The following ZNF668 variants were observed in gnomAD, a reference collection of about 807,000 sequenced individuals.
The protein encoded by ZNF668 is zinc finger protein 668.
Under a neutral mutation model 40.3 loss-of-function variants are expected in ZNF668, and 10 were observed. The ratio of observed to expected loss-of-function variants is 0.25; its 90% CI spans 0.15 to 0.42. The LOEUF is 0.42. Among genes scored for constraint, ZNF668 ranks in the 10% least tolerant of loss-of-function variants. The pLI is 1.00. For synonymous variants in ZNF668, 428 were observed against 384.6 expected (o/e 1.11, Z -1.32); for missense variants, 749 against 904.6 (o/e 0.83, Z 2.21).
At chr16:31,069,471 C>CT (rs560725052) in intron 1 of ZNF668, among the ~76,000 whole-genome samples, 1 of 152,228 alleles carries the variant, frequency 6.6e-6, no homozygotes, top group South Asian at 2.1e-4. Context: ...GTGTAGCTGT[C>CT]TTTTTTGGTG....
Position 31,064,258 on chromosome 16 carries a change from C to T in ZNF668, c.202G>A (p.Glu68Lys), listed in dbSNP as rs760093863. Residue 68 changes from glutamate to lysine, a missense_variant, in exon 2 of 3, where the codon GAA becomes AAA. Physicochemically the swap from Glu to Lys is moderately conservative, Grantham distance 56. This residue lies in a region of ZNF668 where 159 missense variants were observed against 139.8 expected (regional missense o/e 1.14). Coordinates refer to ENST00000300849, the MANE Select transcript of ZNF668 (RefSeq NM_024706.5). ...CCTGACACCTTCTCCCCACTGGCTT[C>T]CTCTGCCTTAGCTTCTGTCTCTGGC... The part of the protein sequence containing the change: ...PKPETEAKAE[E>K]ASGEKVSGSA... 8 of 1,613,618 alleles carry T rather than the reference C, an allele frequency of 5.0e-6. No homozygotes were observed. In the Admixed American group the frequency reaches 6.7e-5, roughly 13 times the overall value.
rs894416943 is a variant in ZNF668 at position 31,061,594 on chromosome 16, G to A, written c.1334C>T (p.Ala445Val). The A allele has an allele frequency of 6.2e-7, 1 of 1,609,104 alleles. No homozygotes were observed. Among genetic ancestry groups the A allele is most frequent in the African/African-American group, 1.3e-5 (1 of 74,926 alleles). The change falls in exon 3 of 3, where the codon GCC becomes GTC. Residue 445 changes from alanine (A) to valine (V), a missense_variant. Ala to Val is a moderately conservative substitution (Grantham distance 64). Coordinates refer to ENST00000300849, the MANE Select transcript of ZNF668 (RefSeq NM_024706.5). This position sits in a 1 kb window ranked among gnomAD's most constrained non-coding sequence, Gnocchi z 7.7. ...PVGVAGESSAAPAAGAGLGDP... is the reference protein window; with the variant it reads ...PVGVAGESSAVPAAGAGLGDP... ...CCCCAGCCCCGCCCCTGCTGCCGGG[G>A]CGGCTGAACTCTCACCTGCCACGCC...
In ZNF668 at chr16:31,060,894, G is replaced by A. The variant is rs373184185; in HGVS notation, c.*174C>T. 2.5e-5 allele frequency: 18 copies of A among 706,764 alleles called. No homozygotes were observed. The highest frequency in any genetic ancestry group is 2.0e-4 in the African/African-American group (11 of 54,916). The allele number at this position is 706,764 out of a possible 1,614,324, so 43.8% of individuals were successfully genotyped here. A position where few individuals can be genotyped will look rare whatever the true frequency, so the allele number is the denominator to read the frequency against. On this transcript the variant is annotated 3_prime_UTR_variant, in exon 3 of 3. Coordinates refer to ENST00000300849, the MANE Select transcript of ZNF668 (RefSeq NM_024706.5). ...ATGAGTGTTACTCCTAGACAGTCAC[G>A]TCTCAGCTTCTGCCAGCCTCCACTG...
intron 1 of ZNF668, chr16:31,072,932 G>A (rs187461085): frequency 6.6e-6 from 1 of 152,398 alleles, no homozygotes; most frequent in East Asian, 1.9e-4. Context: ...ATACTTTATG[G>A]CAGTAGAGAG....
At chr16:31,065,991 G>A (rs904531393) in intron 1 of ZNF668, 3 of 980,914 alleles carry the variant, frequency 3.1e-6, no homozygotes, top group Non-Finnish European at 3.6e-6. Context: ...AGAGACTCAG[G>A]GCCCCTTATG....
chr16:31,064,741 C>A, intron 1 of ZNF668: 1 of 1,521,584 alleles, frequency 6.6e-7, no homozygotes, highest in South Asian at 1.2e-5. Context: ...CCCCCCGCCC[C>A]CAACGGGCTT....
chr16:31,062,222 A>T lies in ZNF668; in HGVS notation c.706T>A (p.Ser236Thr), dbSNP rs1282247363. The T allele has an allele frequency of 6.2e-7, 1 of 1,612,814 alleles. No individual in the cohort carries two copies. The highest frequency in any genetic ancestry group is 1.1e-5 in the South Asian group (1 of 91,002). ...CGCTGGTGGCACGTGAGCGAGGATG[A>T]GCGGGAGAAGCTCTTCCCGCACTCG... ...CSECGKSFSR[S>T]SSLTCHQRIH... The change falls in exon 3 of 3, where the codon TCA (serine) becomes ACA (threonine). Residue 236 changes from serine to threonine, a missense_variant. Ser to Thr is a moderately conservative substitution (Grantham distance 58). This residue lies in a region of ZNF668 where 129 missense variants were observed against 231.2 expected (regional missense o/e 0.56). Coordinates refer to ENST00000300849, the MANE Select transcript of ZNF668 (RefSeq NM_024706.5).
chr16:31,072,401 C>G (rs1333170327), intron 1 of ZNF668, among the ~76,000 whole-genome samples: 1 of 152,238 alleles, frequency 6.6e-6, no homozygotes, highest in Admixed American at 6.5e-5. Flanking sequence ...ACCTTTCCAA[C>G]TCCACAAGGC....
chr16:31,064,736 C>A, intron 1 of ZNF668: 8 of 1,523,680 alleles, frequency 5.3e-6, no homozygotes, highest in Non-Finnish European at 7.0e-6. Flanking sequence ...CGTCCCCCCC[C>A]GCCCCCAACG....
At position 31,060,984 on chromosome 16, in the gene ZNF668, A is replaced by C. The variant is rs892804411; in HGVS notation, c.*84T>G. 1.1e-5 allele frequency: 15 copies of C among 1,377,812 alleles called. No individual in the cohort carries two copies. Among genetic ancestry groups the C allele is most frequent in the Admixed American group, 8.2e-5 (3 of 36,406 alleles). The allele number at this position is 1,377,812 out of a possible 1,614,324, so 85.3% of individuals were successfully genotyped here. ...TGAGGGGTAGGGATCTGGAGTCTAA[A>C]GAGCAGAGCCAGGCAAAAGGAGGTA... On this transcript the variant is annotated 3_prime_UTR_variant, in exon 3 of 3. Transcript: ENST00000300849.
At chr16:31,070,111 G>T (rs968924792) in intron 1 of ZNF668, among the ~76,000 whole-genome samples, 2 of 151,192 alleles carry the variant, frequency 1.3e-5, no homozygotes, top group African/African-American at 4.9e-5. Context: ...GTAGAGATGG[G>T]GTTTCACCAT....
Position 31,063,998 on chromosome 16 carries a change from C to G in ZNF668, c.462G>C (p.Lys154Asn). 1 of 1,609,944 alleles carries G rather than the reference C, an allele frequency of 6.2e-7. No individual in the cohort carries two copies. Residue 154 changes from lysine (K) to asparagine (N), a missense_variant, in exon 2 of 3, where the codon AAG becomes AAC. This residue lies in a region of ZNF668 where 151 missense variants were observed against 178.6 expected (regional missense o/e 0.85). Coordinates refer to ENST00000300849, the MANE Select transcript of ZNF668 (RefSeq NM_024706.5). ...TGTGGCCACGCTGGTGGATCTTGAG[C>G]TTGGAGAGCGCGCCATAGGCCTTCG... is the stretch of plus-strand genomic sequence containing the variant. ...HCPKAYGALS[K>N]LKIHQRGHTG...
At chr16:31,062,380 G>A in intron 2 of ZNF668, 100 bp from the exon 3 acceptor site, 1 of 1,467,414 alleles carries the variant, frequency 6.8e-7, no homozygotes, top group Non-Finnish European at 9.0e-7. Flanking sequence ...AACGTTCGTG[G>A]GGGCCTAGGC....
Position 31,074,219 on chromosome 16 carries a change from T to C in ZNF668, c.-583A>G, listed in dbSNP as rs571917015. 6.6e-6 allele frequency: 1 copy of C among 152,452 alleles called. No individual in the cohort carries two copies. The highest frequency in any genetic ancestry group is 1.5e-5 in the Non-Finnish European group (1 of 68,040). The allele number at this position is 152,452 out of a possible 1,614,324, so 9.4% of individuals were successfully genotyped here. On this transcript the variant is annotated 5_prime_UTR_variant, in exon 1 of 3. Transcript: ENST00000300849. ...CAATATGCACCGGAACGATTCTAGC[T>C]GCTCTTGCCGGAAGTGTGGCTAGCT...
Position 31,063,911 on chromosome 16 carries a change from G to C in ZNF668, c.549C>G (p.Phe183Leu), listed in dbSNP as rs1302193294. ...CGKSFADPSVFRKHRRTHAGL... is the reference protein window; with the variant it reads ...CGKSFADPSVLRKHRRTHAGL... Reference sequence around the variant, plus strand: ...CAGCGTGAGTACGCCGGTGCTTGCGGAACACTGAAGGGTCAGCAAAGCTCT... The same window carrying C: ...CAGCGTGAGTACGCCGGTGCTTGCGCAACACTGAAGGGTCAGCAAAGCTCT... The change falls in exon 2 of 3, where the codon TTC (phenylalanine) becomes TTG (leucine). Residue 183 changes from phenylalanine to leucine, a missense_variant. Around this residue, in one of 4 missense-constraint regions of ZNF668, gnomAD observed 151 missense variants for 178.6 expected, o/e 0.85. Transcript: ENST00000300849. 1.3e-6 allele frequency: 2 copies of C among 1,595,696 alleles called. No homozygotes were observed. Among genetic ancestry groups the C allele is most frequent in the Non-Finnish European group, 1.7e-6 (2 of 1,171,782 alleles).
chr16:31,061,749 G>T lies in ZNF668; in HGVS notation c.1179C>A (p.His393Gln), dbSNP rs2056927611. 1.9e-6 allele frequency: 3 copies of T among 1,613,404 alleles called. No individual in the cohort carries two copies. The highest frequency in any genetic ancestry group is 2.5e-6 in the Non-Finnish European group (3 of 1,179,908). The change falls in exon 3 of 3, where the codon CAC becomes CAA. Residue 393 changes from histidine to glutamine, a missense_variant. By Grantham distance (24) the His-to-Gln change is conservative. Transcript: ENST00000300849. The surrounding 1 kb of genome is among the most constrained non-coding windows in gnomAD (Gnocchi z 7.7). ...SRVHSGERPF[H>Q]CNACGKSFVV... ...CAAAGGATTTCCCACATGCGTTACA[G>T]TGGAAGGGGCGCTCCCCCGAGTGCA...
chr16:31,064,044 G>A lies in ZNF668; in HGVS notation c.416C>T (p.Pro139Leu), dbSNP rs1304379197. ...CTTCGGGCAGTGCGCACAGCGGAAGGGCAGTTCGCCAGCGTGCGAGGCCAG... is the reference window on the plus strand; with the variant it reads ...CTTCGGGCAGTGCGCACAGCGGAAGAGCAGTTCGCCAGCGTGCGAGGCCAG... Reference protein sequence around the residue: ...VHLASHAGELPFRCAHCPKAY... With the variant: ...VHLASHAGELLFRCAHCPKAY... The change falls in exon 2 of 3, where the codon CCC becomes CTC. Residue 139 changes from proline to leucine, a missense_variant. Pro to Leu is a moderately conservative substitution (Grantham distance 98). This residue lies in a region of ZNF668 where 151 missense variants were observed against 178.6 expected (regional missense o/e 0.85). Coordinates refer to ENST00000300849, the MANE Select transcript of ZNF668 (RefSeq NM_024706.5). The A allele has an allele frequency of 1.9e-6, 3 of 1,604,912 alleles. No homozygotes were observed. Among genetic ancestry groups the A allele is most frequent in the Non-Finnish European group, 2.6e-6 (3 of 1,174,286 alleles).
At chr16:31,068,264 A>AAATATATATG (rs2056992714) in intron 1 of ZNF668, among the ~76,000 whole-genome samples, 1 of 111,770 alleles carries the variant, frequency 8.9e-6, no homozygotes, top group Non-Finnish European at 1.9e-5. Context: ...ATATATATAT[A>AAATATATATG]TAATTTTTGA....
chr16:31,064,860 G>A (rs2056970034), intron 1 of ZNF668: 1 of 1,432,880 alleles, frequency 7.0e-7, no homozygotes, highest in Non-Finnish European at 9.1e-7. Context: ...GTACCCAGAC[G>A]TGGGCCTGGC....
Sources: gnomAD v4.1 joint callset for allele counts (sites outside exome capture counted in the v4.1 genomes callset) on GRCh38, gnomAD v4.1.1 for gene constraint, gnomAD v4.1.1 regional missense constraint, Gnocchi (gnomAD v3.1) non-coding constraint, MANE v1.5 for transcripts, NCBI Gene and HGNC (gene_info 2026-07-23, HGNC 2026-07-21) for gene names.